Variants in VCL observed in about 807,000 individuals in gnomAD.
VCL encodes the protein vinculin.
A neutral mutation model predicts 125.7 loss-of-function variants in VCL; 47 were observed. The ratio of observed to expected loss-of-function variants is 0.37; its 90% CI spans 0.30 to 0.48. The LOEUF is 0.48. VCL is among the 20% of genes least tolerant of loss of function. The pLI, the probability that VCL is intolerant of heterozygous loss-of-function variation, is 0.99. For missense variants in VCL, 1,069 were observed against 1,455.5 expected, an observed-to-expected ratio of 0.73 and a Z score of 4.32; for synonymous variants, 458 against 514.6, an observed-to-expected ratio of 0.89 and a Z score of 1.49.
At chr10:74,036,660 C>T (rs1168011413) in intron 1 of VCL, among the ~76,000 whole-genome samples, 1 of 151,770 alleles carries the variant, frequency 6.6e-6, no homozygotes, top group Non-Finnish European at 1.5e-5. Context: ...TCCTTGACCC[C>T]AGCAGTTTGA....
At chr10:74,008,429 A>C (rs190824764) in intron 1 of VCL, among the ~76,000 whole-genome samples, 3 of 152,212 alleles carry the variant, frequency 2.0e-5, no homozygotes, top group African/African-American at 4.8e-5. Context: ...GTTACCTTCT[A>C]TCTGAAAGTG....
intron 12 of VCL, among the ~76,000 whole-genome samples, chr10:74,096,352 C>CAAATAAAT (rs539133731): frequency 1.3e-5 from 2 of 151,702 alleles, no homozygotes; most frequent in African/African-American, 4.8e-5. Flanking sequence ...GACTCCATTT[C>CAAATAAAT]AAATAAATAA....
At chr10:74,002,498 A>AT (rs1293053548) in intron 1 of VCL, among the ~76,000 whole-genome samples, 1 of 152,148 alleles carries the variant, frequency 6.6e-6, no homozygotes, top group Non-Finnish European at 1.5e-5. Flanking sequence ...ATTACTTTTG[A>AT]TTGGAGAATC....
chr10:74,083,636 T>C lies in VCL; in HGVS notation c.1022+123T>C, dbSNP rs889194729. 8.3e-6 allele frequency: 10 copies of C among 1,198,128 alleles called. No homozygotes were observed. The South Asian group carries it at 1.1e-4, about 13-fold the overall frequency. The allele number at this position is 1,198,128 out of a possible 1,614,324, so 74.2% of individuals were successfully genotyped here. A position where few individuals can be genotyped will look rare whatever the true frequency, so the allele number is the denominator to read the frequency against. On this transcript the variant is annotated intron_variant, in intron 8 of 21. Coordinates refer to ENST00000211998, the MANE Select transcript of VCL (RefSeq NM_014000.3). Reference sequence around the variant, plus strand: ...TGGCTAGTAGATAACAGAGATATTATAGTCTATTAAATTCTTTTGAGATGG... The same window carrying C: ...TGGCTAGTAGATAACAGAGATATTACAGTCTATTAAATTCTTTTGAGATGG...
rs145553250 is a variant in VCL, at chr10:74,023,033, A to G, written c.169-20050A>G. ...GATGGTTTTCATTTATGAACCAAAT[A>G]TAGACTTGTGTTGTTCTTTAATGAA... On this transcript the variant is annotated intron_variant, in intron 1 of 21. Transcript: ENST00000211998. Among the ~76,000 whole-genome samples the G allele has an allele frequency of 2.0e-5, 3 of 152,292 alleles. No individual in the cohort carries two copies. In the East Asian group the frequency reaches 5.8e-4, roughly 29 times the overall value.
chr10:74,033,356 G>T (rs957995392), intron 1 of VCL, among the ~76,000 whole-genome samples: 4 of 152,180 alleles, frequency 2.6e-5, no homozygotes, highest in African/African-American at 9.7e-5. Flanking sequence ...GTGAGGAAGG[G>T]TTAGGGCTAA....
At chr10:74,101,648 C>A (rs866058115) in intron 14 of VCL, among the ~76,000 whole-genome samples, 1 of 149,538 alleles carries the variant, frequency 6.7e-6, no homozygotes, top group Non-Finnish European at 1.5e-5. Context: ...CTCCGCTTCC[C>A]GGGTTCACGC....
At position 74,097,280 on chromosome 10, in the gene VCL, A is replaced by G. The variant is rs2131918378; in HGVS notation, c.1820A>G (p.Lys607Arg). The G allele has an allele frequency of 2.5e-6, 4 of 1,614,102 alleles. No individual in the cohort carries two copies. The highest frequency in any genetic ancestry group is 3.4e-6 in the Non-Finnish European group (4 of 1,179,988). The change falls in exon 13 of 22, where the codon AAG becomes AGG. Residue 607 changes from lysine to arginine, a missense_variant. Around this residue, in one of 6 missense-constraint regions of VCL, gnomAD observed 760 missense variants for 928.9 expected, o/e 0.82. Transcript: ENST00000211998. The surrounding 1 kb of genome is among the most constrained non-coding windows in gnomAD (Gnocchi z 4.1). ...DVFSDTTTPIKLLAVAATAPP... is the reference protein window; with the variant it reads ...DVFSDTTTPIRLLAVAATAPP... ...TTCAGCGATACCACAACTCCCATCA[A>G]GCTGTTGGCAGTGGCAGCCACGGCG...
At chr10:74,112,672 A>G (rs1840245891) in intron 19 of VCL, among the ~76,000 whole-genome samples, 1 of 152,050 alleles carries the variant, frequency 6.6e-6, no homozygotes, top group African/African-American at 2.4e-5. Flanking sequence ...TTGTCCAGGT[A>G]TCTCAGTGGG....
intron 1 of VCL, among the ~76,000 whole-genome samples, chr10:74,014,663 G>A (rs1249690664): frequency 6.6e-6 from 1 of 151,822 alleles, no homozygotes; most frequent in Non-Finnish European, 1.5e-5. Flanking sequence ...GAAATATTAT[G>A]CATTTGTGAA....
intron 1 of VCL, among the ~76,000 whole-genome samples, chr10:74,039,680 G>A (rs916768927): frequency 6.6e-6 from 1 of 151,786 alleles, no homozygotes; most frequent in Non-Finnish European, 1.5e-5. Flanking sequence ...TAGCTGCTCC[G>A]GACGGAGGAT....
In VCL at chr10:74,074,850, A is replaced by G; in HGVS notation, c.730A>G (p.Ile244Val). The G allele has an allele frequency of 6.2e-7, 1 of 1,614,172 alleles. No individual in the cohort carries two copies. Among genetic ancestry groups the G allele is most frequent in the Non-Finnish European group, 8.5e-7 (1 of 1,180,022 alleles). The change falls in exon 6 of 22, where the codon ATA becomes GTA. Residue 244 changes from isoleucine (I) to valine (V), a missense_variant. Physicochemically the swap from Ile to Val is conservative, Grantham distance 29. This residue lies in a region of VCL where 760 missense variants were observed against 928.9 expected (regional missense o/e 0.82). Coordinates refer to ENST00000211998, the MANE Select transcript of VCL (RefSeq NM_014000.3). ...VEKMSAEINE[I>V]IRVLQLTSWD... ...AAAAATGAGTGCTGAAATTAATGAGATAATTCGTGTGTTACAACTCACCTC... is the reference window on the plus strand; with the variant it reads ...AAAAATGAGTGCTGAAATTAATGAGGTAATTCGTGTGTTACAACTCACCTC...
intron 2 of VCL, among the ~76,000 whole-genome samples, chr10:74,051,088 T>C (rs886834024): frequency 3.3e-5 from 5 of 150,976 alleles, no homozygotes; most frequent in Admixed American, 6.6e-5. Flanking sequence ...TACAGGCATA[T>C]GCCACCATGC....
chr10:74,106,364 T>C (rs1250565077), intron 16 of VCL, among the ~76,000 whole-genome samples: 1 of 152,230 alleles, frequency 6.6e-6, no homozygotes. Flanking sequence ...AAATGCTTTT[T>C]TTTCTTTGTA....
At chr10:74,073,022 C>T (rs1839513840) in intron 5 of VCL, among the ~76,000 whole-genome samples, 170 bp downstream of exon 5, 1 of 151,176 alleles carries the variant, frequency 6.6e-6, no homozygotes, top group Non-Finnish European at 1.5e-5. Context: ...CTCACTGCAA[C>T]CTCTGCCTCC....
chr10:74,050,507 T>G (rs1171127420), intron 2 of VCL, among the ~76,000 whole-genome samples: 2 of 152,232 alleles, frequency 1.3e-5, no homozygotes, highest in African/African-American at 2.4e-5. Flanking sequence ...AATTTAGATC[T>G]CTTTTGACCT....
chr10:74,015,477 G>A (rs1444992048), intron 1 of VCL, among the ~76,000 whole-genome samples: 1 of 152,066 alleles, frequency 6.6e-6, no homozygotes, highest in Admixed American at 6.5e-5. Flanking sequence ...TCGCTGGAAT[G>A]CGGGAGGTGG....
chr10:74,100,265 C>T (rs1047328594), intron 13 of VCL, among the ~76,000 whole-genome samples: 51 of 152,328 alleles, frequency 3.3e-4, no homozygotes, highest in African/African-American at 1.1e-3. Context: ...AGTATGCAAC[C>T]TTGCACAGTA....
chr10:74,065,065 A>T (rs1183242559), intron 2 of VCL, among the ~76,000 whole-genome samples: 4 of 151,984 alleles, frequency 2.6e-5, no homozygotes, highest in African/African-American at 7.2e-5. Flanking sequence ...AAACAAACAA[A>T]CAATCCTCAG....
Sources: allele counts gnomAD v4.1 joint callset (sites outside exome capture counted in the v4.1 genomes callset), GRCh38; gene constraint gnomAD v4.1.1; regional missense constraint gnomAD v4.1.1; non-coding constraint Gnocchi (gnomAD v3.1); transcripts MANE v1.5; gene names NCBI Gene and HGNC (gene_info 2026-07-23, HGNC 2026-07-21).